The following DENND2B variants were observed in gnomAD, a reference collection of about 807,000 sequenced individuals.
The protein encoded by DENND2B is DENN domain containing 2B.
DENND2B carries 32 observed loss-of-function variants against 116.0 expected under a neutral mutation model. The ratio of observed to expected loss-of-function variants is 0.28; its 90% CI spans 0.21 to 0.37. The LOEUF is 0.37. Among genes scored for constraint, DENND2B ranks in the 10% least tolerant of loss-of-function variants. The pLI, the probability that DENND2B is intolerant of heterozygous loss-of-function variation, is 1.00. For synonymous variants in DENND2B, 588 were observed against 583.9 expected (o/e 1.01, Z -0.10); for missense variants, 1,276 against 1,477.7 (o/e 0.86, Z 2.24).
chr11:8,888,941 A>G (rs2063993083), intron 1 of DENND2B, among the ~76,000 whole-genome samples: 1 of 152,198 alleles, frequency 6.6e-6, no homozygotes, highest in Admixed American at 6.5e-5. Context: ...AATGTTGGTG[A>G]GGATATGGAG....
chr11:8,750,735 C>T lies in DENND2B; in HGVS notation c.-25-10G>A, dbSNP rs377251012. 3.9e-5 allele frequency: 63 copies of T among 1,613,448 alleles called. No homozygotes were observed. Among genetic ancestry groups the T allele is most frequent in the Admixed American group, 2.0e-4 (12 of 59,948 alleles). ...CTGCAAACCCAGAGCCCTGCAAAGA[C>T]GACAATGCCGGTAAGCCAAGTTTCT... On this transcript the variant is annotated splice_polypyrimidine_tract_variant and intron_variant, in intron 1 of 19. Transcript: ENST00000313726.
chr11:8,707,876 G>T lies in DENND2B; in HGVS notation c.2353-22C>A, dbSNP rs1410037088. The T allele has an allele frequency of 1.3e-6, 2 of 1,598,558 alleles. No homozygotes were observed. The highest frequency in any genetic ancestry group is 8.5e-7 in the Non-Finnish European group (1 of 1,172,840). On this transcript the variant is annotated intron_variant, in intron 11 of 19. Coordinates refer to ENST00000313726, the MANE Select transcript of DENND2B (RefSeq NM_213618.2). This position sits in a 1 kb window ranked among gnomAD's most constrained non-coding sequence, Gnocchi z 4.8. The stretch of plus-strand genomic sequence containing the variant: ...TTGGCTGGGCCAGGACAAGGAGGAG[G>T]AGGAGAGAGACAGACACAGAGAATG...
At chr11:8,708,690 G>A (rs2043047929) in intron 11 of DENND2B, among the ~76,000 whole-genome samples, 1 of 152,162 alleles carries the variant, frequency 6.6e-6, no homozygotes, top group Non-Finnish European at 1.5e-5. Context: ...GGTGGCTCAC[G>A]CCTGTAATTC....
At chr11:8,773,391 C>T (rs1232368669) in intron 1 of DENND2B, among the ~76,000 whole-genome samples, 4 of 152,140 alleles carry the variant, frequency 2.6e-5, no homozygotes, top group African/African-American at 7.2e-5. Context: ...CTCTGACCCT[C>T]GGGAGGGCTC....
At chr11:8,836,413 CTTTTTTTTT>C (rs67181023) in intron 4 of DENND2B, among the ~76,000 whole-genome samples, 4 of 77,554 alleles carry the variant, frequency 5.2e-5, no homozygotes, top group Middle Eastern at 8.9e-3. Context: ...TTCTGTACTT[CTTTTTTTTT>C]TTTTTTTTTT....
At chr11:8,763,792 T>C (rs1244761332) in intron 1 of DENND2B, among the ~76,000 whole-genome samples, 1 of 152,004 alleles carries the variant, frequency 6.6e-6, no homozygotes, top group Non-Finnish European at 1.5e-5. Context: ...ATGGGTTCAG[T>C]TGTAAAAATT....
intron 18 of DENND2B, among the ~76,000 whole-genome samples, chr11:8,696,196 G>A (rs1441946268): frequency 6.6e-6 from 1 of 152,198 alleles, no homozygotes; most frequent in African/African-American, 2.4e-5. Context: ...CTGCTCCTAG[G>A]TGGAGATGAG....
chr11:8,738,550 T>C (rs562198192), intron 2 of DENND2B, among the ~76,000 whole-genome samples: 1 of 152,256 alleles, frequency 6.6e-6, no homozygotes, highest in East Asian at 1.9e-4. Context: ...TTGATGACTA[T>C]GTCCTATCAA....
chr11:8,890,005 C>A (rs1309785291), intron 1 of DENND2B, among the ~76,000 whole-genome samples: 2 of 152,188 alleles, frequency 1.3e-5, no homozygotes, highest in African/African-American at 4.8e-5. Flanking sequence ...TAGGGGCGGA[C>A]TGACACCTCA....
chr11:8,828,406 T>C (rs757954309), intron 4 of DENND2B, among the ~76,000 whole-genome samples: 1 of 152,090 alleles, frequency 6.6e-6, no homozygotes, highest in Non-Finnish European at 1.5e-5. Flanking sequence ...GCAGCACTTC[T>C]CTGGTTTGTC....
At chr11:8,832,442 C>T (rs1338210649) in intron 4 of DENND2B, 3 of 128,558 alleles carry the variant, frequency 2.3e-5, no homozygotes, top group Non-Finnish European at 3.2e-5. Context: ...CAGAGCGAGA[C>T]TCTGTCTCCA....
intron 1 of DENND2B, among the ~76,000 whole-genome samples, chr11:8,802,299 G>GAA (rs35492912): frequency 0.35 from 49,913 of 144,304 alleles, 8,664 homozygotes; most frequent in Middle Eastern, 0.5. Context: ...ACTCTGTCTG[G>GAA]AAAAAAAAAA....
chr11:8,805,895 A>G (rs2060795328), intron 1 of DENND2B, among the ~76,000 whole-genome samples: 1 of 152,156 alleles, frequency 6.6e-6, no homozygotes, highest in Non-Finnish European at 1.5e-5. Flanking sequence ...CCAATACTGC[A>G]TAGATGGGCA....
chr11:8,847,577 TAGAAA>T lies in DENND2B; in HGVS notation c.-155-8232_-155-8228del, dbSNP rs757726695. Reference sequence around the variant, plus strand: ...AGTCAAAGAAAACAAAGCTTAACGATAGAAAAGAAAAGAAAAGCTAATCCCTGTAA... The same window carrying T: ...AGTCAAAGAAAACAAAGCTTAACGATAGAAAAGAAAAGCTAATCCCTGTAA... On this transcript the variant is annotated intron_variant, in intron 3 of 6. Coordinates refer to the DENND2B transcript ENST00000524757. Among the ~76,000 whole-genome samples, 9 of 152,034 alleles carry T rather than the reference TAGAAA, an allele frequency of 5.9e-5. 1 individual carries two copies. In the South Asian group the frequency reaches 1.5e-3, roughly 25 times the overall value.
At chr11:8,824,951 G>A (rs888385472) in intron 4 of DENND2B, among the ~76,000 whole-genome samples, 13 of 150,670 alleles carry the variant, frequency 8.6e-5, no homozygotes, top group African/African-American at 2.4e-4. Flanking sequence ...TGCCTGCCTC[G>A]GCCTCCTGAA....
chr11:8,727,960 C>G (rs1175601778), intron 3 of DENND2B, among the ~76,000 whole-genome samples: 7 of 75,026 alleles, frequency 9.3e-5, no homozygotes, highest in African/African-American at 3.8e-4. Context: ...TTGCATTTTA[C>G]ACAAACACAC....
intron 1 of DENND2B, among the ~76,000 whole-genome samples, chr11:8,800,719 C>T (rs1228200373): frequency 6.6e-6 from 1 of 152,164 alleles, no homozygotes; most frequent in Admixed American, 6.5e-5. Context: ...AAGCTCAGAG[C>T]TTTGGTAGCA....
chr11:8,744,210 C>T (rs1259549298), intron 2 of DENND2B, among the ~76,000 whole-genome samples: 4 of 151,256 alleles, frequency 2.6e-5, no homozygotes. Flanking sequence ...CTCGGCTCAC[C>T]ACAACCTCCG....
intron 1 of DENND2B, among the ~76,000 whole-genome samples, chr11:8,898,009 T>C (rs2064123589): frequency 6.6e-6 from 1 of 152,222 alleles, no homozygotes; most frequent in Non-Finnish European, 1.5e-5. Flanking sequence ...GTTGGTATCA[T>C]GCAGTCTTCC....
Sources: gnomAD v4.1 joint callset for allele counts (sites outside exome capture counted in the v4.1 genomes callset) on GRCh38, gnomAD v4.1.1 for gene constraint, Gnocchi (gnomAD v3.1) non-coding constraint, MANE v1.5 for transcripts, NCBI Gene and HGNC (gene_info 2026-07-23, HGNC 2026-07-21) for gene names.